The following RGS7 variants were observed in gnomAD, a reference collection of about 807,000 sequenced individuals.
The protein encoded by RGS7 is regulator of G-protein signaling 7.
In RGS7, 27 loss-of-function variants were observed where a neutral mutation model predicts 81.1. The ratio of observed to expected loss-of-function variants is 0.33; its 90% CI spans 0.25 to 0.46. The LOEUF is 0.46. Among genes scored for constraint, RGS7 ranks in the 20% least tolerant of loss-of-function variants. The pLI, the probability that RGS7 is intolerant of heterozygous loss-of-function variation, is 1.00. For synonymous variants in RGS7, 208 were observed against 207.7 expected, an observed-to-expected ratio of 1.00 and a Z score of -0.01; for missense variants, 396 against 607.4, an observed-to-expected ratio of 0.65 and a Z score of 3.66.
chr1:240,800,410 A>C (rs1283095277), intron 18 of RGS7, among the ~76,000 whole-genome samples: 1 of 152,190 alleles, frequency 6.6e-6, no homozygotes, highest in Non-Finnish European at 1.5e-5. Context: ...ATGGTAATTC[A>C]CAAGTAGAAA....
intron 2 of RGS7, among the ~76,000 whole-genome samples, chr1:241,342,724 T>C (rs1052871031): frequency 5.3e-5 from 8 of 152,174 alleles, no homozygotes; most frequent in Non-Finnish European, 1.0e-4. Context: ...TTAAAGCTGA[T>C]AGATTGTCCG....
intron 2 of RGS7, among the ~76,000 whole-genome samples, chr1:241,346,442 C>T (rs1397402210): frequency 6.6e-6 from 1 of 152,178 alleles, no homozygotes; most frequent in Non-Finnish European, 1.5e-5. Flanking sequence ...AATGTCCTGT[C>T]CATTCACTCA....
chr1:240,913,216 T>C (rs1259944775), intron 6 of RGS7, among the ~76,000 whole-genome samples: 5 of 152,252 alleles, frequency 3.3e-5, no homozygotes, highest in African/African-American at 4.8e-5. Context: ...AATCTCCATG[T>C]GAATAATTGT....
rs544405883 is a variant in RGS7, at chr1:241,174,637, T to G, written c.79-75875A>C. On this transcript the variant is annotated intron_variant, in intron 2 of 18. Coordinates refer to ENST00000440928, the MANE Select transcript of RGS7 (RefSeq NM_001364886.1). Reference sequence around the variant, plus strand: ...TATGTGGGGGCTATCATTTTACACATGAGGAAACAGCTAGTGGATCCAAAG... The same window carrying G: ...TATGTGGGGGCTATCATTTTACACAGGAGGAAACAGCTAGTGGATCCAAAG... Among the ~76,000 whole-genome samples, 7 of 152,256 alleles carry G rather than the reference T, an allele frequency of 4.6e-5. No individual in the cohort carries two copies. The East Asian group carries it at 1.4e-3, about 29-fold the overall frequency.
chr1:240,920,679 G>T (rs1673370395), intron 6 of RGS7: 3 of 786,510 alleles, frequency 3.8e-6, no homozygotes, highest in South Asian at 2.8e-5. Context: ...GGTTACCACA[G>T]ATTTGTGAAC....
Position 241,088,043 on chromosome 1 carries a change from C to CAT in RGS7, c.175+10621_175+10622dup, listed in dbSNP as rs1226972014. 1.2e-3 allele frequency among the ~76,000 whole-genome samples: 106 copies of CAT among 90,072 alleles called. 1 individual carries two copies. Among genetic ancestry groups the CAT allele is most frequent in the Middle Eastern group, 0.011 (2 of 184 alleles). 59.1% of individuals were successfully genotyped at this position (90,072 alleles called of 152,430 possible). A position where few individuals can be genotyped will look rare whatever the true frequency, so the allele number is the denominator to read the frequency against. ...ACACACACACATATATATATACACACATATATATATATACACACACACACA... is the reference window on the plus strand; with the variant it reads ...ACACACACACATATATATATACACACATATATATATATATACACACACACACA... On this transcript the variant is annotated intron_variant, in intron 3 of 18. Coordinates refer to ENST00000440928, the MANE Select transcript of RGS7 (RefSeq NM_001364886.1).
At chr1:240,801,651 A>G (rs950699565) in intron 16 of RGS7, 143 bp from the exon 17 acceptor site, 4 of 700,214 alleles carry the variant, frequency 5.7e-6, no homozygotes, top group Non-Finnish European at 7.6e-6. Flanking sequence ...GAAGGCCCAT[A>G]GAGGTTGGAG....
chr1:240,799,065 C>T (rs185769722), intron 18 of RGS7, among the ~76,000 whole-genome samples: 196 of 152,052 alleles, frequency 1.3e-3, no homozygotes, highest in Non-Finnish European at 2.4e-3. Context: ...ATACAGCTGC[C>T]GACCATGAAG....
rs1406940419 is a variant in RGS7, at chr1:240,868,702, A to G, written c.528-34T>C. ...ACAGTAACAATAGATAACATTTAGT[A>G]TTAATTGTAGTGCCTCTCTGAACAA... On this transcript the variant is annotated intron_variant, in intron 8 of 18. Coordinates refer to ENST00000440928, the MANE Select transcript of RGS7 (RefSeq NM_001364886.1). This position sits in a 1 kb window ranked among gnomAD's most constrained non-coding sequence, Gnocchi z 5.1. The G allele has an allele frequency of 6.2e-7, 1 of 1,611,756 alleles. No homozygotes were observed. The highest frequency in any genetic ancestry group is 1.3e-5 in the African/African-American group (1 of 74,870).
intron 6 of RGS7, among the ~76,000 whole-genome samples, chr1:240,874,315 A>G (rs927062466): frequency 9.2e-5 from 14 of 152,184 alleles, no homozygotes; most frequent in African/African-American, 3.4e-4. Context: ...GGGTGAGAAG[A>G]AGTGTGAGTG....
At chr1:241,300,072 G>A (rs2079653410) in intron 2 of RGS7, among the ~76,000 whole-genome samples, 2 of 150,836 alleles carry the variant, frequency 1.3e-5, no homozygotes, top group South Asian at 2.1e-4. Flanking sequence ...CCGTGATCAC[G>A]CCACTGCACT....
intron 6 of RGS7, among the ~76,000 whole-genome samples, chr1:240,895,477 C>T (rs1342468294): frequency 3.3e-5 from 5 of 151,998 alleles, no homozygotes; most frequent in Non-Finnish European, 7.4e-5. Context: ...GTGATGTTCC[C>T]CATCCTGTGT....
Position 240,933,072 on chromosome 1 carries a change from C to T in RGS7, c.334-2304G>A, listed in dbSNP as rs574553326. Among the ~76,000 whole-genome samples, 229 of 149,634 alleles carry T rather than the reference C, an allele frequency of 1.5e-3. 2 individuals are homozygous for T. Among genetic ancestry groups the T allele is most frequent in the African/African-American group, 2.7e-3 (108 of 40,690 alleles). On this transcript the variant is annotated intron_variant, in intron 5 of 18. Coordinates refer to ENST00000440928, the MANE Select transcript of RGS7 (RefSeq NM_001364886.1). ...TAATTTTTTGTATTTTCAGTAGAGA[C>T]GGGGTTTCACCGTGTTAGCCAGGAT...
intron 6 of RGS7, among the ~76,000 whole-genome samples, chr1:240,873,785 T>C (rs565962986): frequency 4.9e-4 from 74 of 152,228 alleles, no homozygotes; most frequent in African/African-American, 1.7e-3. Flanking sequence ...TCACCAAGAC[T>C]AGAACTACAA....
chr1:240,791,498 T>G (rs1244536445), intron 18 of RGS7, among the ~76,000 whole-genome samples: 2 of 152,230 alleles, frequency 1.3e-5, no homozygotes, highest in Non-Finnish European at 2.9e-5. Context: ...TCTATTTTAG[T>G]GTCATTGCTT....
At chr1:241,312,702 A>G (rs570432528) in intron 2 of RGS7, among the ~76,000 whole-genome samples, 1 of 152,276 alleles carries the variant, frequency 6.6e-6, no homozygotes, top group South Asian at 2.1e-4. Context: ...GAGACACAAC[A>G]ACATTAAATT....
chr1:240,929,063 AG>A (rs1260330264), intron 6 of RGS7, among the ~76,000 whole-genome samples: 1 of 152,244 alleles, frequency 6.6e-6, no homozygotes, highest in Non-Finnish European at 1.5e-5. Context: ...TAACAACTTT[AG>A]GAAGTCAATA....
chr1:241,143,765 A>G (rs1284294718), intron 2 of RGS7, among the ~76,000 whole-genome samples: 1 of 152,202 alleles, frequency 6.6e-6, no homozygotes, highest in African/African-American at 2.4e-5. Flanking sequence ...CTAGAAATTC[A>G]TATGTTGAAA....
intron 3 of RGS7, among the ~76,000 whole-genome samples, chr1:240,985,915 A>G (rs1457313237): frequency 6.6e-6 from 1 of 151,814 alleles, no homozygotes. Flanking sequence ...GTGTAGTAGG[A>G]ATGCCACCTT....
Sources: gnomAD v4.1 joint callset for allele counts (sites outside exome capture counted in the v4.1 genomes callset) on GRCh38, gnomAD v4.1.1 for gene constraint, Gnocchi (gnomAD v3.1) non-coding constraint, MANE v1.5 for transcripts, NCBI Gene and HGNC (gene_info 2026-07-23, HGNC 2026-07-21) for gene names.